The following FCRL4 variants were observed in gnomAD, a reference collection of about 807,000 sequenced individuals.
FCRL4 encodes the protein Fc receptor like 4.
In FCRL4, 43 loss-of-function variants were observed where a neutral mutation model predicts 64.1. The ratio of observed to expected loss-of-function variants is 0.67; its 90% CI spans 0.53 to 0.87. FCRL4 has a LOEUF of 0.87. Among genes scored for constraint, FCRL4 ranks in the 40% least tolerant of loss-of-function variants. The pLI, the probability that FCRL4 is intolerant of heterozygous loss-of-function variation, is 0.00. For synonymous variants in FCRL4, 253 were observed against 239.8 expected (o/e 1.05, Z -0.51); for missense variants, 656 against 613.5 (o/e 1.07, Z -0.73).
chr1:157,585,386 CTTTCTTTCCTTCTTTCTTTCTTT>C (rs1558155126), intron 6 of FCRL4, among the ~76,000 whole-genome samples: 2 of 97,084 alleles, frequency 2.1e-5, no homozygotes, highest in African/African-American at 7.7e-5. Context: ...TTCTTTCTTT[CTTTCTTTCCTTCTTTCTTTCTTT>C]CTTTCTTTCT....
chr1:157,579,056 G>A (rs770071578), intron 8 of FCRL4, among the ~76,000 whole-genome samples: 1 of 152,216 alleles, frequency 6.6e-6, no homozygotes, highest in Non-Finnish European at 1.5e-5. Flanking sequence ...CCCTGGAGCT[G>A]TGGTATGGAC....
At chr1:157,581,671 T>TCCACTGAGATTCACA in intron 6 of FCRL4, 27 bp from the exon 7 acceptor site, 1 of 1,576,410 alleles carries the variant, frequency 6.3e-7, no homozygotes, top group Non-Finnish European at 8.7e-7. Context: ...TGTGTGAATC[T>TCCACTGAGATTCACA]CAGTGGAGAG....
intron 2 of FCRL4, among the ~76,000 whole-genome samples, chr1:157,593,332 G>A (rs900873103): frequency 5.3e-5 from 8 of 152,096 alleles, no homozygotes; most frequent in Admixed American, 1.3e-4. Context: ...TAGTTCCTCC[G>A]TCTCTCTCAG....
At chr1:157,596,584 C>T (rs1320021072) in intron 1 of FCRL4, among the ~76,000 whole-genome samples, 1 of 152,148 alleles carries the variant, frequency 6.6e-6, no homozygotes, top group Non-Finnish European at 1.5e-5. Flanking sequence ...ACTTTCAAGT[C>T]TCAGTTTTCT....
Position 157,588,025 on chromosome 1 carries a change from CA to C in FCRL4, c.401del (p.Val134GlyfsTer50). 6.2e-7 allele frequency: 1 copy of C among 1,613,242 alleles called. No individual in the cohort carries two copies. Among genetic ancestry groups the C allele is most frequent in the Non-Finnish European group, 8.5e-7 (1 of 1,179,598 alleles). On this transcript the variant is annotated frameshift_variant, in exon 4 of 12. Coordinates refer to ENST00000271532, the MANE Select transcript of FCRL4 (RefSeq NM_031282.3). LOFTEE classifies it high-confidence loss of function. ...GAATGTTTCCATTCCAAGTATATTT[CA>C]CAGCAGTCAATTTCTCTTTCCTTCT... ...HRRRKEKLTA[V>X]KYTWNGNILS...
At position 157,589,421 on chromosome 1, in the gene FCRL4, T is replaced by G. The variant is rs62640947; in HGVS notation, c.90A>C (p.Pro30=). 2,270 of 1,614,122 alleles carry G rather than the reference T, an allele frequency of 1.4e-3. 33 individuals are homozygous for G. The African/African-American group carries it at 0.025, about 18-fold the overall frequency. ...AHKPVISVHP[P]WTTFFKGERV... is the part of the protein sequence containing the mutation. ...TCTCTCCTTTGAAGAATGTGGTCCATGGAGGATGGACGGAAATCACAGGTT... is the reference window on the plus strand; with the variant it reads ...TCTCTCCTTTGAAGAATGTGGTCCAGGGAGGATGGACGGAAATCACAGGTT... Residue 30 remains proline, a synonymous_variant, in exon 3 of 12, where the codon CCA becomes CCC. Transcript: ENST00000271532.
intron 8 of FCRL4, 97 bp downstream of exon 8, chr1:157,580,224 C>A (rs182878819): frequency 2.5e-4 from 324 of 1,317,056 alleles, no homozygotes; most frequent in Admixed American, 5.1e-4. Context: ...AGCCACAGGG[C>A]CAAAGAGGTA....
Position 157,589,354 on chromosome 1 carries a change from C to T in FCRL4, c.157G>A (p.Glu53Lys). Residue 53 changes from glutamate to lysine, a missense_variant, in exon 3 of 12, where the codon GAG becomes AAG. Physicochemically the swap from Glu to Lys is moderately conservative, Grantham distance 56. Transcript: ENST00000271532. The stretch of plus-strand genomic sequence containing the variant: ...TGCCGATGATACCATGTTGTTTTCT[C>T]TGTTGCATAGAACTGAAATCCATTG... ...TCNGFQFYATEKTTWYHRHYW... is the reference protein window; with the variant it reads ...TCNGFQFYATKKTTWYHRHYW... The T allele has an allele frequency of 6.2e-7, 1 of 1,614,198 alleles. No individual in the cohort carries two copies. Among genetic ancestry groups the T allele is most frequent in the Non-Finnish European group, 8.5e-7 (1 of 1,180,032 alleles).
intron 1 of FCRL4, 75 bp downstream of exon 1, chr1:157,597,839 C>A: frequency 8.5e-7 from 1 of 1,170,524 alleles, no homozygotes; most frequent in Non-Finnish European, 1.3e-6. Context: ...ATGATTGCAG[C>A]AGCAGAAAAG....
rs1652356869 is a variant in FCRL4 at position 157,574,498 on chromosome 1, T to G, written c.*1026A>C. On this transcript the variant is annotated 3_prime_UTR_variant, in exon 12 of 12. Coordinates refer to ENST00000271532, the MANE Select transcript of FCRL4 (RefSeq NM_031282.3). ...TAACCAGTAGGTGTATCATGAAATATCCATACAAATTTGTGGCTTCCTATT... is the reference window on the plus strand; with the variant it reads ...TAACCAGTAGGTGTATCATGAAATAGCCATACAAATTTGTGGCTTCCTATT... The G allele has an allele frequency of 4.8e-6, 1 of 210,312 alleles. No homozygotes were observed. The highest frequency in any genetic ancestry group is 5.9e-5 in the Admixed American group (1 of 16,982). The allele number at this position is 210,312 out of a possible 1,614,324, so 13.0% of individuals were successfully genotyped here.
At chr1:157,592,699 C>G (rs911514739) in intron 2 of FCRL4, among the ~76,000 whole-genome samples, 1 of 152,150 alleles carries the variant, frequency 6.6e-6, no homozygotes, top group African/African-American at 2.4e-5. Context: ...GGATCTAGAA[C>G]TAGAAATACC....
chr1:157,587,155 T>C, intron 5 of FCRL4, 121 bp downstream of exon 5: 1 of 1,120,476 alleles, frequency 8.9e-7, no homozygotes. Flanking sequence ...CTGCACTTCT[T>C]GGCCTAAGCC....
chr1:157,591,822 G>C (rs978739628), intron 2 of FCRL4, among the ~76,000 whole-genome samples: 1 of 152,048 alleles, frequency 6.6e-6, no homozygotes, highest in Non-Finnish European at 1.5e-5. Context: ...TTCTTTCTCT[G>C]TCCTTTTCAA....
intron 2 of FCRL4, 122 bp downstream of exon 2, chr1:157,596,206 C>T: frequency 9.1e-7 from 1 of 1,103,750 alleles, no homozygotes; most frequent in Non-Finnish European, 1.4e-6. Context: ...GATGTCTCTA[C>T]ATCCCTGCAG....
At chr1:157,596,971 G>A (rs1042475992) in intron 1 of FCRL4, among the ~76,000 whole-genome samples, 141 of 152,288 alleles carry the variant, frequency 9.3e-4, no homozygotes, top group African/African-American at 3.3e-3. Flanking sequence ...ATTTATACAT[G>A]GGGTGCCCTT....
At position 157,575,324 on chromosome 1, in the gene FCRL4, T is replaced by C. The variant is rs1414633560; in HGVS notation, c.*200A>G. The C allele has an allele frequency of 1.2e-5, 7 of 587,278 alleles. 1 individual carries two copies. Among genetic ancestry groups the C allele is most frequent in the South Asian group, 2.0e-5 (1 of 49,796 alleles). 36.4% of individuals were successfully genotyped at this position (587,278 alleles called of 1,614,324 possible). On this transcript the variant is annotated 3_prime_UTR_variant, in exon 12 of 12. Transcript: ENST00000271532. The stretch of plus-strand genomic sequence containing the variant: ...TAACTGTGGATCCTGGTCATTTTAG[T>C]GAAGTCTTTCAGAGGCCATTCCATC...
intron 2 of FCRL4, among the ~76,000 whole-genome samples, chr1:157,592,976 T>A (rs551333129): frequency 6.6e-6 from 1 of 152,306 alleles, no homozygotes; most frequent in African/African-American, 2.4e-5. Context: ...CTCGGCAACC[T>A]ATCACAAGGA....
At chr1:157,582,548 C>T (rs1209911120) in intron 6 of FCRL4, among the ~76,000 whole-genome samples, 2 of 152,150 alleles carry the variant, frequency 1.3e-5, no homozygotes, top group Non-Finnish European at 2.9e-5. Context: ...CAAATTCAGA[C>T]CTCAGACACA....
Position 157,587,364 on chromosome 1 carries a change from T to C in FCRL4, c.759A>G (p.Arg253=). The change falls in exon 5 of 12, where the codon AGA becomes AGG. Residue 253 remains arginine (R), a synonymous_variant. Transcript: ENST00000271532. ...CACACCAATAGGATCCTGAGTTTTCTCTCCAGACGGTTGGGAGCTGGAGTT... is the reference window on the plus strand; with the variant it reads ...CACACCAATAGGATCCTGAGTTTTCCCTCCAGACGGTTGGGAGCTGGAGTT... ...YPELQLPTVW[R]ENSGSYWCGA... is the part of the protein sequence containing the mutation. 6.2e-7 allele frequency: 1 copy of C among 1,614,188 alleles called. No individual in the cohort carries two copies. The highest frequency in any genetic ancestry group is 2.2e-5 in the East Asian group (1 of 44,884).
Sources: gnomAD v4.1 joint callset for allele counts (sites outside exome capture counted in the v4.1 genomes callset) on GRCh38, gnomAD v4.1.1 for gene constraint, MANE v1.5 for transcripts, NCBI Gene and HGNC (gene_info 2026-07-23, HGNC 2026-07-21) for gene names.